RALYL: variants seen among roughly 807,000 people sequenced by gnomAD.
The protein encoded by RALYL is RNA-binding Raly-like protein.
RALYL carries 29 observed loss-of-function variants against 35.1 expected under a neutral mutation model. The ratio of observed to expected loss-of-function variants is 0.83; its 90% CI spans 0.61 to 1.13. The LOEUF (loss-of-function observed/expected upper bound fraction) is 1.13, where lower values mean the gene tolerates loss of function less well. Ranked by LOEUF, RALYL falls within the 50% of genes most tolerant of loss-of-function variation. The probability of loss-of-function intolerance (pLI) is 0.00; values close to 1 mark genes in which losing one functional copy is unlikely to be tolerated. For missense variants in RALYL, 359 were observed against 360.4 expected, an observed-to-expected ratio of 1.00 and a Z score of 0.03; for synonymous variants, 120 against 127.6, an observed-to-expected ratio of 0.94 and a Z score of 0.40.
chr8:84,652,262 A>C (rs1829002480), intron 2 of RALYL, among the ~76,000 whole-genome samples: 1 of 152,118 alleles, frequency 6.6e-6, no homozygotes, highest in African/African-American at 2.4e-5. Flanking sequence ...CTTAGAAATT[A>C]TCTCTCTATT....
intron 2 of RALYL, among the ~76,000 whole-genome samples, chr8:84,544,062 G>A (rs2060196592): frequency 6.6e-6 from 1 of 151,802 alleles, no homozygotes; most frequent in South Asian, 2.1e-4. Flanking sequence ...TTTATTTGAG[G>A]GCTGCAGAAT....
intron 1 of RALYL, among the ~76,000 whole-genome samples, chr8:84,293,988 C>A (rs1233800310): frequency 6.6e-6 from 1 of 152,086 alleles, no homozygotes; most frequent in Non-Finnish European, 1.5e-5. Context: ...TAATCATCCA[C>A]CCTGGAGAAA....
chr8:84,223,492 A>T (rs1184354024), intron 1 of RALYL, among the ~76,000 whole-genome samples: 1 of 152,156 alleles, frequency 6.6e-6, no homozygotes, highest in Non-Finnish European at 1.5e-5. Context: ...ACTATAAGAA[A>T]AGGGAGATGG....
chr8:84,593,856 C>G (rs2081911729), intron 2 of RALYL, among the ~76,000 whole-genome samples: 1 of 152,062 alleles, frequency 6.6e-6, no homozygotes. Flanking sequence ...GGTCTAGTCT[C>G]TCTTTTGTCC....
chr8:84,329,486 A>G (rs1846421044), intron 1 of RALYL, among the ~76,000 whole-genome samples: 2 of 151,902 alleles, frequency 1.3e-5, no homozygotes, highest in South Asian at 2.1e-4. Context: ...TAAATTTTTT[A>G]TACATTCTGG....
intron 2 of RALYL, among the ~76,000 whole-genome samples, chr8:84,584,263 T>C (rs970747406): frequency 3.3e-5 from 5 of 152,180 alleles, no homozygotes; most frequent in African/African-American, 1.2e-4. Flanking sequence ...CAGAGGAACT[T>C]ACGGAAACAA....
chr8:84,727,259 C>T lies in RALYL; in HGVS notation c.257-47320C>T, dbSNP rs138831370. Among the ~76,000 whole-genome samples the T allele has an allele frequency of 1.2e-4, 18 of 152,116 alleles. No homozygotes were observed. In the South Asian group the frequency reaches 1.9e-3, roughly 16 times the overall value. ...TTAAGATGTATGAGACATGATTCTG[C>T]GCTTCTGAATTCATCATCTTAGCTG... On this transcript the variant is annotated intron_variant, in intron 2 of 8. Coordinates refer to ENST00000521268, the MANE Select transcript of RALYL (RefSeq NM_173848.7).
intron 2 of RALYL, among the ~76,000 whole-genome samples, chr8:84,684,994 G>T (rs531340747): frequency 6.6e-6 from 1 of 152,118 alleles, no homozygotes; most frequent in African/African-American, 2.4e-5. Flanking sequence ...GTGTGCTCAC[G>T]TGACTTCTTT....
At chr8:84,786,815 C>A (rs548557146) in intron 3 of RALYL, among the ~76,000 whole-genome samples, 22 of 152,152 alleles carry the variant, frequency 1.4e-4, no homozygotes, top group African/African-American at 4.6e-4. Context: ...TTTTGCTGTG[C>A]AGAAAATCTT....
In RALYL at chr8:84,467,134, C is replaced by T. The variant is rs974840481; in HGVS notation, c.-23-62165C>T. On this transcript the variant is annotated intron_variant, in intron 1 of 8. Transcript: ENST00000521268. ...ATTTTTTGAAGGGTTTTTTGTGTCA[C>T]TATTTCCTTCAGTTCTGCTCTGATT... Among the ~76,000 whole-genome samples, 52 of 152,192 alleles carry T rather than the reference C, an allele frequency of 3.4e-4. No individual in the cohort carries two copies. The East Asian group carries it at 8.3e-3, about 24-fold the overall frequency.
At chr8:84,466,821 C>T (rs1160253438) in intron 1 of RALYL, among the ~76,000 whole-genome samples, 1 of 151,498 alleles carries the variant, frequency 6.6e-6, no homozygotes, top group East Asian at 1.9e-4. Context: ...AATTTCAGCT[C>T]CTGTTATTGG....
chr8:84,251,383 T>G (rs1020959742), intron 1 of RALYL, among the ~76,000 whole-genome samples: 2 of 152,158 alleles, frequency 1.3e-5, no homozygotes, highest in Non-Finnish European at 2.9e-5. Context: ...TTTACTTTCA[T>G]TGTCAAATAG....
chr8:84,874,950 T>C (rs1186672875), intron 7 of RALYL, among the ~76,000 whole-genome samples: 2 of 152,176 alleles, frequency 1.3e-5, no homozygotes, highest in Non-Finnish European at 2.9e-5. Context: ...ACATAAGCCA[T>C]GTACCTAGCA....
intron 5 of RALYL, among the ~76,000 whole-genome samples, chr8:84,858,840 A>G (rs1204082049): frequency 6.6e-6 from 1 of 152,094 alleles, no homozygotes; most frequent in African/African-American, 2.4e-5. Flanking sequence ...GTACATTAGG[A>G]CAACATCCAG....
chr8:84,905,999 T>A (rs1319949648), intron 8 of RALYL, among the ~76,000 whole-genome samples: 1 of 152,142 alleles, frequency 6.6e-6, no homozygotes, highest in African/African-American at 2.4e-5. Flanking sequence ...CTTAGAAACA[T>A]CCAGCAATTC....
intron 8 of RALYL, among the ~76,000 whole-genome samples, chr8:84,895,754 C>T (rs770173177): frequency 1.3e-4 from 20 of 152,262 alleles, no homozygotes; most frequent in South Asian, 4.1e-4. Flanking sequence ...TCAGGTGATC[C>T]GCCCACCTCG....
chr8:84,656,588 A>C (rs1015770452), intron 2 of RALYL, among the ~76,000 whole-genome samples: 5 of 152,150 alleles, frequency 3.3e-5, no homozygotes, highest in Non-Finnish European at 7.4e-5. Context: ...GCATTCACAA[A>C]GTGTTAAGTG....
At chr8:84,315,101 A>G (rs1843490518) in intron 1 of RALYL, among the ~76,000 whole-genome samples, 1 of 152,224 alleles carries the variant, frequency 6.6e-6, no homozygotes, top group South Asian at 2.1e-4. Flanking sequence ...AACTTTACAC[A>G]ATATTATTTG....
At chr8:84,863,530 C>T (rs1838544912) in intron 6 of RALYL, among the ~76,000 whole-genome samples, 1 of 152,148 alleles carries the variant, frequency 6.6e-6, no homozygotes, top group African/African-American at 2.4e-5. Context: ...AAGGCAAATA[C>T]TATTATCCCA....
Sources: allele counts gnomAD v4.1 joint callset (sites outside exome capture counted in the v4.1 genomes callset), GRCh38; gene constraint gnomAD v4.1.1; transcripts MANE v1.5; gene names NCBI Gene and HGNC (gene_info 2026-07-23, HGNC 2026-07-21).